Variants in ADTRP observed in about 807,000 individuals in gnomAD.
ADTRP encodes the protein androgen dependent TFPI regulating protein, also known as androgen-dependent TFPI-regulating protein.
ADTRP carries 20 observed loss-of-function variants against 27.0 expected under a neutral mutation model. The ratio of observed to expected loss-of-function variants is 0.74; its 90% confidence interval spans 0.52 to 1.08. ADTRP has a LOEUF of 1.08. ADTRP is among the 50% of genes least tolerant of loss of function. The pLI, the probability that ADTRP is intolerant of heterozygous loss-of-function variation, is 0.00. For missense variants in ADTRP, 251 were observed against 275.0 expected (o/e 0.91, Z 0.62); for synonymous variants, 101 against 105.2 (o/e 0.96, Z 0.25).
chr6:11,717,231 C>G, intron 5 of ADTRP: 1 of 1,249,326 alleles, frequency 8.0e-7, no homozygotes, highest in Non-Finnish European at 1.0e-6. Context: ...TTAGATTCAC[C>G]CCGACTTGTT....
At chr6:11,764,414 T>C (rs1455261635) in intron 3 of ADTRP, among the ~76,000 whole-genome samples, 1 of 152,212 alleles carries the variant, frequency 6.6e-6, no homozygotes, top group Non-Finnish European at 1.5e-5. Flanking sequence ...GCTAGGTGCA[T>C]TTGGCACCAC....
intron 4 of ADTRP, among the ~76,000 whole-genome samples, chr6:11,724,938 C>A (rs1762138041): frequency 6.6e-6 from 1 of 152,334 alleles, no homozygotes; most frequent in East Asian, 1.9e-4. Context: ...TTTGAAGCTG[C>A]TGATCTCTTG....
chr6:11,755,183 C>T, intron 3 of ADTRP: 1 of 514,110 alleles, frequency 1.9e-6, no homozygotes, highest in Non-Finnish European at 2.5e-6. Flanking sequence ...ACTAAAATTC[C>T]TAGTAACTTC....
At chr6:11,762,703 G>A (rs1474839401) in intron 3 of ADTRP, among the ~76,000 whole-genome samples, 6 of 152,188 alleles carry the variant, frequency 3.9e-5, no homozygotes, top group African/African-American at 1.4e-4. Context: ...TGCAGTCCTT[G>A]ACAGCTGTTG....
chr6:11,741,825 C>G (rs373102269), intron 3 of ADTRP, among the ~76,000 whole-genome samples: 1 of 151,930 alleles, frequency 6.6e-6, no homozygotes, highest in African/African-American at 2.4e-5. Flanking sequence ...CTAAAGTATC[C>G]AAATCCCTTC....
intron 3 of ADTRP, among the ~76,000 whole-genome samples, chr6:11,743,718 C>T (rs1354127335): frequency 6.6e-6 from 1 of 152,194 alleles, no homozygotes; most frequent in African/African-American, 2.4e-5. Context: ...ATTCTGGCCA[C>T]TTAACATCAG....
At position 11,765,319 on chromosome 6, in the gene ADTRP, G is replaced by GTTTTTTTTTTTTTTTT. The variant is rs770169717; in HGVS notation, c.390+954_390+955insAAAAAAAAAAAAAAAA. ...GCCACTTCCTTGTGCCTTTCCCCTG[G>GTTTTTTTTTTTTTTTT]TTTGTTTTTTTTTTTTTTTTTTTTT... On this transcript the variant is annotated intron_variant, in intron 3 of 5. Coordinates refer to ENST00000414691, the MANE Select transcript of ADTRP (RefSeq NM_032744.4). 1.8e-5 allele frequency among the ~76,000 whole-genome samples: 2 copies of GTTTTTTTTTTTTTTTT among 112,526 alleles called. 1 individual carries two copies. Among genetic ancestry groups the GTTTTTTTTTTTTTTTT allele is most frequent in the Non-Finnish European group, 3.5e-5 (2 of 56,548 alleles). 73.8% of individuals were successfully genotyped at this position (112,526 alleles called of 152,430 possible).
chr6:11,768,250 G>A lies in ADTRP; in HGVS notation c.287C>T (p.Thr96Met). 5.6e-6 allele frequency: 9 copies of A among 1,614,086 alleles called. No individual in the cohort carries two copies. The highest frequency in any genetic ancestry group is 2.2e-5 in the East Asian group (1 of 44,886). The change falls in exon 2 of 6, where the codon ACG becomes ATG. Residue 96 changes from threonine to methionine, a missense_variant and splice_region_variant. Transcript: ENST00000414691. ...LFTTLAFPVS[T>M]FVFLAFWILF... ...TATGTACACATCTTTGAAACTTACC[G>A]TGGATACAGGAAAAGCCAGAGTGGT...
chr6:11,775,325 A>G (rs1554116741), intron 1 of ADTRP, among the ~76,000 whole-genome samples: 1 of 152,004 alleles, frequency 6.6e-6, no homozygotes, highest in Non-Finnish European at 1.5e-5. Context: ...CGCCATTCTG[A>G]GCGCTTCCCA....
intron 3 of ADTRP, among the ~76,000 whole-genome samples, chr6:11,737,393 G>A (rs994907032): frequency 6.6e-6 from 1 of 152,096 alleles, no homozygotes; most frequent in Non-Finnish European, 1.5e-5. Context: ...TCTGGAGCTC[G>A]GGAATGTCAT....
chr6:11,716,487 T>A (rs1426674110), intron 5 of ADTRP, among the ~76,000 whole-genome samples: 1 of 152,084 alleles, frequency 6.6e-6, no homozygotes, highest in Non-Finnish European at 1.5e-5. Flanking sequence ...CCCATCCACA[T>A]GCTAGAGAAG....
chr6:11,776,694 G>A (rs1763964140), intron 1 of ADTRP, among the ~76,000 whole-genome samples: 1 of 152,178 alleles, frequency 6.6e-6, no homozygotes, highest in Non-Finnish European at 1.5e-5. Flanking sequence ...AGAACACCGG[G>A]CAGAGAAGTG....
intron 3 of ADTRP, among the ~76,000 whole-genome samples, chr6:11,765,300 T>A (rs1763527292): frequency 6.6e-6 from 1 of 150,732 alleles, no homozygotes; most frequent in African/African-American, 2.4e-5. Context: ...ACATGCCACT[T>A]CCTTGTGCCT....
intron 5 of ADTRP, chr6:11,717,380 T>C: frequency 7.7e-7 from 1 of 1,304,324 alleles, no homozygotes; most frequent in Non-Finnish European, 1.0e-6. Flanking sequence ...TTCCAACAGA[T>C]TCTAGCCTCC....
intron 3 of ADTRP, among the ~76,000 whole-genome samples, chr6:11,751,508 C>T (rs1763053639): frequency 6.6e-6 from 1 of 152,122 alleles, no homozygotes; most frequent in African/African-American, 2.4e-5. Flanking sequence ...CTATCTGTAG[C>T]CCCTCACCCC....
At chr6:11,756,447 C>T (rs1026954377) in intron 3 of ADTRP, among the ~76,000 whole-genome samples, 6 of 152,104 alleles carry the variant, frequency 3.9e-5, no homozygotes, top group East Asian at 1.9e-4. Context: ...ACATTTCATA[C>T]GCCCTACCTT....
At chr6:11,778,579 G>A (rs373948321) in intron 1 of ADTRP, 28 bp downstream of exon 1, 23 of 1,602,330 alleles carry the variant, frequency 1.4e-5, no homozygotes, top group African/African-American at 1.3e-5. Context: ...GAAATGGATC[G>A]GTTCCTGGTA....
chr6:11,762,217 C>T (rs1042583362), intron 3 of ADTRP, among the ~76,000 whole-genome samples: 1 of 152,256 alleles, frequency 6.6e-6, no homozygotes, highest in African/African-American at 2.4e-5. Context: ...ATGCCTTGCT[C>T]ATGAGTTACA....
intron 5 of ADTRP, among the ~76,000 whole-genome samples, chr6:11,721,053 A>C (rs9469932): frequency 0.69 from 104,371 of 151,902 alleles, 36,196 homozygotes; most frequent in African/African-American, 0.75. Context: ...CAAATCCCTA[A>C]AGCAGTAGTA....
Sources: allele counts gnomAD v4.1 joint callset (sites outside exome capture counted in the v4.1 genomes callset), GRCh38; gene constraint gnomAD v4.1.1; transcripts MANE v1.5; gene names NCBI Gene and HGNC (gene_info 2026-07-23, HGNC 2026-07-21).